The following OR2B11 variants were observed in gnomAD, a reference collection of about 807,000 sequenced individuals.
OR2B11 encodes the protein olfactory receptor family 2 subfamily B member 11.
For missense variants in OR2B11, 422 were observed against 400.0 expected (o/e 1.05, Z -0.47); for synonymous variants, 198 against 174.5 (o/e 1.13, Z -1.06).
rs1380130961 is a variant in OR2B11, at chr1:247,451,344, C to T, written c.639G>A (p.Val213=). ...LAVLVAFFVL[V]PLALILLSYG... ...AGGAGAGAAGGATGAGAGCCAGGGG[C>T]ACCAACACGAAGAAGGCCACCAGCA... Residue 213 remains valine, a synonymous_variant, in exon 2 of 2, where the codon GTG becomes GTA. Transcript: ENST00000641149. 4 of 1,614,130 alleles carry T rather than the reference C, an allele frequency of 2.5e-6. No individual in the cohort carries two copies. The highest frequency in any genetic ancestry group is 2.2e-5 in the East Asian group (1 of 44,874).
At position 247,453,335 on chromosome 1, in the gene OR2B11, GA is replaced by G; in HGVS notation, c.-1354del. On this transcript the variant is annotated 5_prime_UTR_variant, in exon 2 of 2. Transcript: ENST00000641149. The stretch of plus-strand genomic sequence containing the variant: ...CTCAAACTCCAGGGTTTCAATGGAG[GA>G]ATAAGTTCAGTTTTTCCCTCCTGCT... 1 of 152,218 alleles carries G rather than the reference GA, an allele frequency of 6.6e-6. No homozygotes were observed. The highest frequency in any genetic ancestry group is 3.4e-3 in the Middle Eastern group (1 of 294). The allele number at this position is 152,218 out of a possible 1,614,324, so 9.4% of individuals were successfully genotyped here.
rs1664783868 is a variant in OR2B11, at chr1:247,449,243, TA to T, written c.*1785del. The stretch of plus-strand genomic sequence containing the variant: ...TTAAAACGTTACCTCACTCTAACTG[TA>T]ATGAGTGGAATTTCATCTTTGATAG... On this transcript the variant is annotated 3_prime_UTR_variant, in exon 2 of 2. Coordinates refer to ENST00000641149, the MANE Select transcript of OR2B11 (RefSeq NM_001004492.2). 3 of 152,272 alleles carry T rather than the reference TA, an allele frequency of 2.0e-5. No individual in the cohort carries two copies. The highest frequency in any genetic ancestry group is 4.1e-4 in the South Asian group (2 of 4,832). 9.4% of individuals were successfully genotyped at this position (152,272 alleles called of 1,614,324 possible). A position where few individuals can be genotyped will look rare whatever the true frequency, so the allele number is the denominator to read the frequency against.
intron 1 of OR2B11, among the ~76,000 whole-genome samples, chr1:247,455,329 G>T (rs10925036): frequency 0.75 from 113,657 of 152,088 alleles, 42,820 homozygotes; most frequent in East Asian, 0.93. Flanking sequence ...AGTCTAGAAT[G>T]CAGCCTCCCA....
Position 247,449,932 on chromosome 1 carries a change from T to C in OR2B11, c.*1097A>G, listed in dbSNP as rs1380984027. 2 of 152,254 alleles carry C rather than the reference T, an allele frequency of 1.3e-5. No homozygotes were observed. Among genetic ancestry groups the C allele is most frequent in the African/African-American group, 4.8e-5 (2 of 41,466 alleles). The allele number at this position is 152,254 out of a possible 1,614,324, so 9.4% of individuals were successfully genotyped here. ...CTGGCCAGGTTGCTGAGAATGCCAT[T>C]ATTTCATTCCTTTTTATGGCTGAAT... On this transcript the variant is annotated 3_prime_UTR_variant, in exon 2 of 2. Coordinates refer to ENST00000641149, the MANE Select transcript of OR2B11 (RefSeq NM_001004492.2).
rs1322344095 is a variant in OR2B11, at chr1:247,451,893, A to T, written c.90T>A (p.Pro30=). Residue 30 remains proline, a synonymous_variant, in exon 2 of 2, where the codon CCT becomes CCA. Coordinates refer to ENST00000641149, the MANE Select transcript of OR2B11 (RefSeq NM_001004492.2). The stretch of plus-strand genomic sequence containing the variant: ...AGGACAGCAGGAGGACCACAAAGAG[A>T]GGGAGTTCCAGCCACGGCCTGTCAG... ...GVSDRPWLEL[P]LFVVLLLSYV... The T allele has an allele frequency of 6.2e-7, 1 of 1,614,052 alleles. No individual in the cohort carries two copies.
intron 1 of OR2B11, among the ~76,000 whole-genome samples, chr1:247,456,520 G>A (rs1358633828): frequency 6.6e-6 from 1 of 151,844 alleles, no homozygotes; most frequent in Non-Finnish European, 1.5e-5. Context: ...CTCGCCTAAT[G>A]GAAAAATTGT....
rs1371365221 is a variant in OR2B11 at position 247,450,459 on chromosome 1, T to G, written c.*570A>C. ...GATCCACAATGTTTTCCATCGTGGT[T>G]GTACTAGTGTTTGTACTAGTTTACA... On this transcript the variant is annotated 3_prime_UTR_variant, in exon 2 of 2. Coordinates refer to ENST00000641149, the MANE Select transcript of OR2B11 (RefSeq NM_001004492.2). The G allele has an allele frequency of 2.0e-5, 3 of 152,260 alleles. No homozygotes were observed. Among genetic ancestry groups the G allele is most frequent in the Non-Finnish European group, 4.4e-5 (3 of 68,046 alleles). The allele number at this position is 152,260 out of a possible 1,614,324, so 9.4% of individuals were successfully genotyped here. A position where few individuals can be genotyped will look rare whatever the true frequency, so the allele number is the denominator to read the frequency against.
rs767670480 is a variant in OR2B11, at chr1:247,451,772, A to G, written c.211T>C (p.Ser71Pro). ...SPMYIFLSHL[S>P]FLDLCYTTTT... ...GTGGTGTAGCAGAGGTCCAGGAAGGACAGGTGACTGAGGAAGATGTACATG... is the reference window on the plus strand; with the variant it reads ...GTGGTGTAGCAGAGGTCCAGGAAGGGCAGGTGACTGAGGAAGATGTACATG... Residue 71 changes from serine to proline, a missense_variant, in exon 2 of 2, where the codon TCC becomes CCC. Ser to Pro is a moderately conservative substitution (Grantham distance 74). Transcript: ENST00000641149. 9.3e-6 allele frequency: 15 copies of G among 1,614,100 alleles called. No individual in the cohort carries two copies. Among genetic ancestry groups the G allele is most frequent in the Non-Finnish European group, 1.3e-5 (15 of 1,180,042 alleles).
intron 1 of OR2B11, among the ~76,000 whole-genome samples, chr1:247,457,101 C>T (rs1452153072): frequency 6.6e-6 from 1 of 152,126 alleles, no homozygotes; most frequent in East Asian, 1.9e-4. Context: ...CAGCCCTCAG[C>T]GCGTGGCTCA....
At position 247,452,067 on chromosome 1, in the gene OR2B11, C is replaced by T; in HGVS notation, c.-85G>A. On this transcript the variant is annotated 5_prime_UTR_variant, in exon 2 of 2. Transcript: ENST00000641149. Reference sequence around the variant, plus strand: ...GAAGAGGAATTGATCACTTTCCTCCCTCTTGCATCCACTCTTCCTTTCCCA... The same window carrying T: ...GAAGAGGAATTGATCACTTTCCTCCTTCTTGCATCCACTCTTCCTTTCCCA... 1.3e-6 allele frequency: 1 copy of T among 786,654 alleles called. No individual in the cohort carries two copies. The highest frequency in any genetic ancestry group is 2.1e-6 in the Non-Finnish European group (1 of 472,426). 48.7% of individuals were successfully genotyped at this position (786,654 alleles called of 1,614,324 possible).
Position 247,451,291 on chromosome 1 carries a change from C to A in OR2B11, c.692G>T (p.Arg231Met), listed in dbSNP as rs150244239. The A allele has an allele frequency of 5.7e-5, 92 of 1,614,110 alleles. No homozygotes were observed. In the African/African-American group the frequency reaches 1.1e-3, roughly 20 times the overall value. Residue 231 changes from arginine (R) to methionine (M), a missense_variant, in exon 2 of 2, where the codon AGG becomes ATG. Arg to Met is a moderately conservative substitution (Grantham distance 91, BLOSUM62 -1). Transcript: ENST00000641149. ...GTGTCGTCCCTTGGAGGACTGGATC[C>A]TGAGCACTGCCCGGGCAATAAAGCC... ...SYGFIARAVL[R>M]IQSSKGRHKA...
At position 247,453,211 on chromosome 1, in the gene OR2B11, G is replaced by A. The variant is rs1283867398; in HGVS notation, c.-1229C>T. The A allele has an allele frequency of 1.3e-5, 2 of 152,202 alleles. No individual in the cohort carries two copies. Among genetic ancestry groups the A allele is most frequent in the Non-Finnish European group, 2.9e-5 (2 of 68,040 alleles). 9.4% of individuals were successfully genotyped at this position (152,202 alleles called of 1,614,324 possible). ...TGATTTGGTACCTTATGCATAGACT[G>A]TAAAACTAACGGAGATCTGCTCAGC... On this transcript the variant is annotated 5_prime_UTR_variant, in exon 2 of 2. Coordinates refer to ENST00000641149, the MANE Select transcript of OR2B11 (RefSeq NM_001004492.2).
chr1:247,456,335 G>A lies in OR2B11; in HGVS notation c.-3082-1271C>T, dbSNP rs567700497. ...TTTATATTTACTTAAAATAAATAGAGATGGGGTCTTGCTATTGCCCAGACT... is the reference window on the plus strand; with the variant it reads ...TTTATATTTACTTAAAATAAATAGAAATGGGGTCTTGCTATTGCCCAGACT... On this transcript the variant is annotated intron_variant, in intron 1 of 1. Transcript: ENST00000641149. Among the ~76,000 whole-genome samples, 15 of 152,260 alleles carry A rather than the reference G, an allele frequency of 9.9e-5. No individual in the cohort carries two copies. The South Asian group carries it at 3.1e-3, about 32-fold the overall frequency.
At chr1:247,456,008 T>C (rs9988572) in intron 1 of OR2B11, among the ~76,000 whole-genome samples, 127,970 of 152,214 alleles carry the variant, frequency 0.84, 54,591 homozygotes, top group East Asian at 1. Flanking sequence ...AAACAAATTC[T>C]TAGCATTGAG....
rs1372428106 is a variant in OR2B11 at position 247,452,362 on chromosome 1, G to A, written c.-380C>T. ...AATTATGTTCCAGGTAGAGCGAAGC[G>A]TGCTGCAGCTCCCATCACCGTCAGA... On this transcript the variant is annotated 5_prime_UTR_variant, in exon 2 of 2. It adds an upstream start codon to the 5' untranslated region. Coordinates refer to ENST00000641149, the MANE Select transcript of OR2B11 (RefSeq NM_001004492.2). 3 of 204,748 alleles carry A rather than the reference G, an allele frequency of 1.5e-5. No individual in the cohort carries two copies. The highest frequency in any genetic ancestry group is 5.2e-5 in the Admixed American group (1 of 19,102). The allele number at this position is 204,748 out of a possible 1,614,324, so 12.7% of individuals were successfully genotyped here. A position where few individuals can be genotyped will look rare whatever the true frequency, so the allele number is the denominator to read the frequency against.
chr1:247,456,057 C>G (rs1298437697), intron 1 of OR2B11, among the ~76,000 whole-genome samples: 1 of 152,174 alleles, frequency 6.6e-6, no homozygotes, highest in Non-Finnish European at 1.5e-5. Flanking sequence ...TGAGCACCCA[C>G]CAGTTCTCTG....
Position 247,450,473 on chromosome 1 carries a change from T to C in OR2B11, c.*556A>G, listed in dbSNP as rs1187530894. ...TCCATCGTGGTTGTACTAGTGTTTG[T>C]ACTAGTTTACATTTCATGGAAAAAC... is the stretch of plus-strand genomic sequence containing the variant. On this transcript the variant is annotated 3_prime_UTR_variant, in exon 2 of 2. Transcript: ENST00000641149. The C allele has an allele frequency of 6.6e-6, 1 of 152,252 alleles. No individual in the cohort carries two copies. Among genetic ancestry groups the C allele is most frequent in the Non-Finnish European group, 1.5e-5 (1 of 68,056 alleles). The allele number at this position is 152,252 out of a possible 1,614,324, so 9.4% of individuals were successfully genotyped here.
rs1244331959 is a variant in OR2B11 at position 247,453,574 on chromosome 1, A to G, written c.-1592T>C. The G allele has an allele frequency of 6.6e-6, 1 of 152,254 alleles. No homozygotes were observed. Among genetic ancestry groups the G allele is most frequent in the Non-Finnish European group, 1.5e-5 (1 of 68,038 alleles). 9.4% of individuals were successfully genotyped at this position (152,254 alleles called of 1,614,324 possible). On this transcript the variant is annotated 5_prime_UTR_variant, in exon 2 of 2. Coordinates refer to ENST00000641149, the MANE Select transcript of OR2B11 (RefSeq NM_001004492.2). ...AGCTAGCACATTTTTAAGTCTAATT[A>G]TTAAGAAGTAAAGGAATTATGACAT... is the stretch of plus-strand genomic sequence containing the variant.
rs1664839399 is a variant in OR2B11, at chr1:247,451,336, G to A, written c.647C>T (p.Ala216Val). 1 of 1,614,082 alleles carries A rather than the reference G, an allele frequency of 6.2e-7. No homozygotes were observed. The highest frequency in any genetic ancestry group is 8.5e-7 in the Non-Finnish European group (1 of 1,179,962). Reference protein sequence around the residue: ...LVAFFVLVPLALILLSYGFIA... With the variant: ...LVAFFVLVPLVLILLSYGFIA... ...AAAGCCATAGGAGAGAAGGATGAGA[G>A]CCAGGGGCACCAACACGAAGAAGGC... Residue 216 changes from alanine (A) to valine (V), a missense_variant, in exon 2 of 2, where the codon GCT (alanine) becomes GTT (valine). Ala to Val is a moderately conservative substitution (Grantham distance 64, BLOSUM62 0). Transcript: ENST00000641149.
Sources: allele counts gnomAD v4.1 joint callset (sites outside exome capture counted in the v4.1 genomes callset), GRCh38; gene constraint gnomAD v4.1.1; transcripts MANE v1.5; gene names NCBI Gene and HGNC (gene_info 2026-07-23, HGNC 2026-07-21).